The following DLGAP2 variants were observed in gnomAD, a reference collection of about 807,000 sequenced individuals.
The protein encoded by DLGAP2 is disks large-associated protein 2.
DLGAP2 carries 26 observed loss-of-function variants against 100.3 expected under a neutral mutation model. That is an observed-to-expected ratio of 0.26 (90% CI 0.19 to 0.36). The LOEUF (loss-of-function observed/expected upper bound fraction) is 0.36, where lower values mean the gene tolerates loss of function less well. DLGAP2 is among the 10% of genes least tolerant of loss of function. The pLI is 1.00. For synonymous variants in DLGAP2, 886 were observed against 630.1 expected (o/e 1.41, Z -6.08); for missense variants, 1,858 against 1,453.2 (o/e 1.28, Z -4.53).
chr8:1,534,645 TTTTTTTTAAAGATGTTTCTTAAAGATGGA>T (rs1801093900), intron 4 of DLGAP2, among the ~76,000 whole-genome samples: 1 of 150,280 alleles, frequency 6.7e-6, no homozygotes, highest in African/African-American at 2.5e-5. Flanking sequence ...TCAGTGGGGA[TTTTTTTTAAAGATGTTTCTTAAAGATGGA>T]TTTTTTGTCC....
intron 2 of DLGAP2, among the ~76,000 whole-genome samples, chr8:1,178,682 A>C (rs1797313221): frequency 1.3e-5 from 2 of 152,140 alleles, no homozygotes; most frequent in South Asian, 2.1e-4. Flanking sequence ...GATTTTGGGA[A>C]GTGCACAAAA....
chr8:1,669,879 T>G, intron 10 of DLGAP2, 95 bp downstream of exon 10: 1 of 763,800 alleles, frequency 1.3e-6, no homozygotes, highest in Non-Finnish European at 2.4e-6. Context: ...GTCGCCTCTG[T>G]CCTGATTCTA....
At chr8:1,551,035 G>A (rs1042994908) in intron 5 of DLGAP2, among the ~76,000 whole-genome samples, 2 of 152,194 alleles carry the variant, frequency 1.3e-5, no homozygotes, top group South Asian at 2.1e-4. Flanking sequence ...AGTCGTGGTG[G>A]CAAATCCTTC....
intron 3 of DLGAP2, among the ~76,000 whole-genome samples, chr8:1,286,806 C>G (rs538745569): frequency 6.6e-6 from 1 of 152,334 alleles, no homozygotes; most frequent in Admixed American, 6.5e-5. Flanking sequence ...CAACTCAACT[C>G]CTGTGGAAGG....
At chr8:1,249,839 T>C (rs183755737) in intron 2 of DLGAP2, among the ~76,000 whole-genome samples, 1 of 152,344 alleles carries the variant, frequency 6.6e-6, no homozygotes, top group African/African-American at 2.4e-5. Flanking sequence ...TGAATAATAC[T>C]GAGACCTTGT....
intron 3 of DLGAP2, among the ~76,000 whole-genome samples, chr8:1,298,991 A>T (rs969551061): frequency 8.5e-5 from 13 of 152,100 alleles, no homozygotes; most frequent in African/African-American, 3.1e-4. Context: ...GAATGACCCA[A>T]AGGGGCCCAA....
chr8:818,394 G>A (rs1796525184), intron 1 of DLGAP2, among the ~76,000 whole-genome samples: 1 of 152,150 alleles, frequency 6.6e-6, no homozygotes, highest in Non-Finnish European at 1.5e-5. Flanking sequence ...CAGGCAGCCA[G>A]TAACCCCCTG....
intron 3 of DLGAP2, among the ~76,000 whole-genome samples, chr8:1,417,470 G>A (rs900609733): frequency 2.0e-5 from 3 of 152,208 alleles, no homozygotes; most frequent in Admixed American, 6.5e-5. Flanking sequence ...TTACTGTGAA[G>A]GTTAATGTGG....
At chr8:1,639,693 A>G (rs75122881) in intron 8 of DLGAP2, among the ~76,000 whole-genome samples, 3,080 of 152,320 alleles carry the variant, frequency 0.02, 121 homozygotes, top group African/African-American at 0.071. Context: ...AGTCTAAAGT[A>G]GGTTCTGTGG....
At chr8:740,171 G>A (rs1391224227) in intron 1 of DLGAP2, 1 of 152,216 alleles carries the variant, frequency 6.6e-6, no homozygotes, top group East Asian at 1.9e-4. Context: ...TAAGCAAAAT[G>A]AGTACTACGT....
At chr8:1,558,028 C>T (rs1275035289) in intron 5 of DLGAP2, among the ~76,000 whole-genome samples, 1 of 152,224 alleles carries the variant, frequency 6.6e-6, no homozygotes, top group South Asian at 2.1e-4. Flanking sequence ...AGGGCATGCC[C>T]TGGAGAGACT....
intron 2 of DLGAP2, among the ~76,000 whole-genome samples, chr8:1,040,472 A>G (rs1228145982): frequency 0.011 from 451 of 39,834 alleles, no homozygotes; most frequent in East Asian, 0.013. Flanking sequence ...CTCGGTGTGC[A>G]TGGTCGGCTC....
intron 3 of DLGAP2, among the ~76,000 whole-genome samples, chr8:1,493,645 C>G (rs1799457554): frequency 6.6e-6 from 1 of 152,188 alleles, no homozygotes. Flanking sequence ...GCAAAGGTGT[C>G]CATCAGCTAG....
intron 3 of DLGAP2, among the ~76,000 whole-genome samples, chr8:1,275,157 A>G (rs1053894871): frequency 6.6e-6 from 1 of 152,166 alleles, no homozygotes; most frequent in African/African-American, 2.4e-5. Flanking sequence ...TGAGTTACAC[A>G]GAGCAACTCT....
chr8:762,264 T>C (rs1395700330), intron 1 of DLGAP2, among the ~76,000 whole-genome samples: 1 of 152,098 alleles, frequency 6.6e-6, no homozygotes, highest in African/African-American at 2.4e-5. Flanking sequence ...TTACTTTTTA[T>C]GTGCAACTTA....
At chr8:750,219 G>A (rs528950410) in intron 1 of DLGAP2, among the ~76,000 whole-genome samples, 10 of 152,210 alleles carry the variant, frequency 6.6e-5, no homozygotes, top group African/African-American at 2.2e-4. Flanking sequence ...CTCTAGACAC[G>A]CGCATCCACC....
At chr8:1,340,978 A>G (rs1215041761) in intron 3 of DLGAP2, among the ~76,000 whole-genome samples, 1 of 152,254 alleles carries the variant, frequency 6.6e-6, no homozygotes, top group African/African-American at 2.4e-5. Flanking sequence ...AAACTAGTGC[A>G]GGAACAGATA....
chr8:785,010 A>T (rs1029932823), intron 1 of DLGAP2, among the ~76,000 whole-genome samples: 1 of 151,938 alleles, frequency 6.6e-6, no homozygotes, highest in South Asian at 2.1e-4. Context: ...GATCGAGACC[A>T]TCCTGGCTAA....
At chr8:900,976 A>G (rs1481244291) in intron 1 of DLGAP2, among the ~76,000 whole-genome samples, 2 of 152,246 alleles carry the variant, frequency 1.3e-5, no homozygotes, top group South Asian at 2.1e-4. Flanking sequence ...TGTCAAAACT[A>G]TATTACATAG....
Sources: gnomAD v4.1 joint callset for allele counts (sites outside exome capture counted in the v4.1 genomes callset) on GRCh38, gnomAD v4.1.1 for gene constraint, MANE v1.5 for transcripts, NCBI Gene and HGNC (gene_info 2026-07-23, HGNC 2026-07-21) for gene names.